PTPRK: variants seen among roughly 807,000 people sequenced by gnomAD.
PTPRK encodes the protein protein tyrosine phosphatase receptor type K.
PTPRK carries 75 observed loss-of-function variants against 178.0 expected under a neutral mutation model. The observed-to-expected ratio is 0.42, with a 90% CI of 0.35 to 0.51. PTPRK has a LOEUF of 0.51. PTPRK is among the 20% of genes least tolerant of loss of function. The pLI, the probability that PTPRK is intolerant of heterozygous loss-of-function variation, is 0.02. For missense variants in PTPRK, 1,441 were observed against 1,797.8 expected (o/e 0.80, Z 3.59); for synonymous variants, 637 against 620.6 (o/e 1.03, Z -0.39).
intron 2 of PTPRK, among the ~76,000 whole-genome samples, chr6:128,367,824 G>C (rs1835729753): frequency 6.6e-6 from 1 of 152,068 alleles, no homozygotes; most frequent in Non-Finnish European, 1.5e-5. Flanking sequence ...TACTGAAATG[G>C]AAACCATTAA....
chr6:127,971,373 G>C (rs1773883456), intron 29 of PTPRK, among the ~76,000 whole-genome samples: 1 of 152,166 alleles, frequency 6.6e-6, no homozygotes, highest in Admixed American at 6.5e-5. Context: ...GGTGTCTCCA[G>C]CAATAAACTA....
intron 1 of PTPRK, among the ~76,000 whole-genome samples, chr6:128,481,918 G>A (rs938290797): frequency 2.0e-5 from 3 of 152,100 alleles, no homozygotes; most frequent in Middle Eastern, 3.4e-3. Flanking sequence ...CTAAATGAAG[G>A]GGGGTTCTAA....
At chr6:128,181,301 A>T (rs985572031) in intron 7 of PTPRK, among the ~76,000 whole-genome samples, 13 of 152,124 alleles carry the variant, frequency 8.5e-5, no homozygotes, top group Non-Finnish European at 1.8e-4. Context: ...ATGGAATTTT[A>T]AAAACAGTAA....
chr6:128,326,742 G>T (rs932965986), intron 2 of PTPRK, among the ~76,000 whole-genome samples: 6 of 152,030 alleles, frequency 3.9e-5, no homozygotes, highest in African/African-American at 1.4e-4. Flanking sequence ...ATATTATCTG[G>T]TGGGCTGTAA....
At chr6:128,226,518 T>C (rs975023224) in intron 5 of PTPRK, among the ~76,000 whole-genome samples, 2 of 151,888 alleles carry the variant, frequency 1.3e-5, no homozygotes, top group African/African-American at 4.8e-5. Context: ...GTGGACTGGA[T>C]TGAATCAGTT....
chr6:128,393,404 A>G (rs961550799), intron 2 of PTPRK, among the ~76,000 whole-genome samples: 3 of 151,674 alleles, frequency 2.0e-5, no homozygotes, highest in African/African-American at 4.9e-5. Context: ...TAAGGACCTT[A>G]TAGTCTAATG....
chr6:128,146,424 A>ATGTGTGTGTG (rs35899707), intron 7 of PTPRK, among the ~76,000 whole-genome samples: 4 of 135,908 alleles, frequency 2.9e-5, no homozygotes, highest in South Asian at 2.4e-4. Flanking sequence ...GTGTGTGTTT[A>ATGTGTGTGTG]TGTGTGTGTG....
intron 3 of PTPRK, among the ~76,000 whole-genome samples, chr6:128,298,609 A>C (rs1824937085): frequency 6.6e-6 from 1 of 152,144 alleles, no homozygotes; most frequent in South Asian, 2.1e-4. Context: ...ACAGAACAAA[A>C]GACAAAAACC....
intron 7 of PTPRK, among the ~76,000 whole-genome samples, chr6:128,174,441 T>C (rs1008217191): frequency 6.6e-5 from 10 of 151,586 alleles, no homozygotes; most frequent in Non-Finnish European, 1.0e-4. Flanking sequence ...AACATACAGA[T>C]AAAATAAACA....
chr6:128,189,588 G>A (rs912940545), intron 6 of PTPRK, among the ~76,000 whole-genome samples: 1 of 152,054 alleles, frequency 6.6e-6, no homozygotes, highest in African/African-American at 2.4e-5. Context: ...CAGAGATGAT[G>A]AAAATCATGT....
chr6:128,299,310 G>C (rs537713783), intron 3 of PTPRK, among the ~76,000 whole-genome samples: 1,598 of 6,604 alleles, frequency 0.24, 30 homozygotes, highest in African/African-American at 0.41. Context: ...GTAATTTATA[G>C]ATTCAATGCC....
intron 7 of PTPRK, among the ~76,000 whole-genome samples, chr6:128,148,617 A>C (rs1226921091): frequency 6.6e-6 from 1 of 152,094 alleles, no homozygotes; most frequent in Non-Finnish European, 1.5e-5. Flanking sequence ...TCCTGAAGAG[A>C]CTTGATATTC....
At chr6:127,994,037 T>A (rs1776880778) in intron 18 of PTPRK, among the ~76,000 whole-genome samples, 1 of 151,740 alleles carries the variant, frequency 6.6e-6, no homozygotes. Flanking sequence ...TTCTAAAAAT[T>A]AGACCATTAG....
intron 7 of PTPRK, among the ~76,000 whole-genome samples, chr6:128,184,107 A>T (rs1006281978): frequency 2.6e-5 from 4 of 152,216 alleles, no homozygotes; most frequent in African/African-American, 9.6e-5. Flanking sequence ...TTGAACTAAA[A>T]TGATCTTTTC....
intron 1 of PTPRK, among the ~76,000 whole-genome samples, chr6:128,514,267 T>G (rs1451922855): frequency 6.6e-6 from 1 of 152,202 alleles, no homozygotes; most frequent in African/African-American, 2.4e-5. Context: ...TTTTCACTAC[T>G]CTTTCCAAAA....
intron 15 of PTPRK, among the ~76,000 whole-genome samples, chr6:128,004,448 G>A (rs1778195412): frequency 6.6e-6 from 1 of 151,678 alleles, no homozygotes. Context: ...TATTTTAAAA[G>A]CCTTGCCTTC....
intron 6 of PTPRK, among the ~76,000 whole-genome samples, chr6:128,211,190 T>C (rs942337691): frequency 6.6e-6 from 1 of 152,150 alleles, no homozygotes; most frequent in Admixed American, 6.6e-5. Context: ...TATATTTATA[T>C]TTGAGGAAAG....
chr6:128,031,261 G>A (rs906312457), intron 13 of PTPRK, among the ~76,000 whole-genome samples: 3 of 152,128 alleles, frequency 2.0e-5, no homozygotes, highest in African/African-American at 7.2e-5. Flanking sequence ...AGGTGATTTG[G>A]CTAAACGTAC....
At chr6:128,101,975 G>A (rs539664805) in intron 7 of PTPRK, among the ~76,000 whole-genome samples, 2 of 152,208 alleles carry the variant, frequency 1.3e-5, no homozygotes, top group South Asian at 4.1e-4. Flanking sequence ...GTTTTAATCT[G>A]TACCTTTATT....
Sources: gnomAD v4.1 joint callset for allele counts (sites outside exome capture counted in the v4.1 genomes callset) on GRCh38, gnomAD v4.1.1 for gene constraint, MANE v1.5 for transcripts, NCBI Gene and HGNC (gene_info 2026-07-23, HGNC 2026-07-21) for gene names.